Variants in PEX5L observed in about 807,000 individuals in gnomAD.
The protein encoded by PEX5L is peroxisomal biogenesis factor 5 like.
Under a neutral mutation model 84.0 loss-of-function variants are expected in PEX5L, and 30 were observed. The observed-to-expected ratio is 0.36, with a 90% confidence interval of 0.27 to 0.48. PEX5L has a LOEUF of 0.48. Among genes scored for constraint, PEX5L ranks in the 20% least tolerant of loss-of-function variants. PEX5L has a pLI of 0.99. For synonymous variants in PEX5L, 270 were observed against 283.1 expected (o/e 0.95, Z 0.46); for missense variants, 533 against 754.6 (o/e 0.71, Z 3.44).
At chr3:179,886,236 C>T (rs938125068) in intron 4 of PEX5L, among the ~76,000 whole-genome samples, 4 of 152,094 alleles carry the variant, frequency 2.6e-5, no homozygotes, top group African/African-American at 7.2e-5. Flanking sequence ...GGGTAGTTCT[C>T]GAGTTTTGAA....
rs1443558489 is a variant in PEX5L at position 179,807,534 on chromosome 3, A to C, written c.1676+140T>G. 22 of 735,708 alleles carry C rather than the reference A, an allele frequency of 3.0e-5. No homozygotes were observed. The Admixed American group carries it at 4.9e-4, about 16-fold the overall frequency. 45.6% of individuals were successfully genotyped at this position (735,708 alleles called of 1,614,324 possible). On this transcript the variant is annotated intron_variant, in intron 14 of 14. Coordinates refer to ENST00000467460, the MANE Select transcript of PEX5L (RefSeq NM_016559.3). ...CTGCTCAAACAGGCCTTGGGATCTG[A>C]AGGCTCCACATTCACCCTTAACGGC... is the stretch of plus-strand genomic sequence containing the variant.
At chr3:179,965,921 T>C (rs867941312) in intron 2 of PEX5L, among the ~76,000 whole-genome samples, 8 of 152,164 alleles carry the variant, frequency 5.3e-5, no homozygotes, top group South Asian at 4.1e-4. Flanking sequence ...TTTAACCTAA[T>C]GGAAGAAATT....
intron 8 of PEX5L, among the ~76,000 whole-genome samples, chr3:179,829,771 TC>T (rs1731968060): frequency 8.2e-6 from 1 of 121,510 alleles, no homozygotes; most frequent in East Asian, 2.8e-4. Context: ...ACTTGCTATA[TC>T]TTTTTTTTTT....
At position 179,798,564 on chromosome 3, in the gene PEX5L, A is replaced by G. The variant is rs1322554518; in HGVS notation, c.*3264T>C. 2.6e-5 allele frequency: 4 copies of G among 152,194 alleles called. No individual in the cohort carries two copies. The highest frequency in any genetic ancestry group is 9.7e-5 in the African/African-American group (4 of 41,444). 9.4% of individuals were successfully genotyped at this position (152,194 alleles called of 1,614,324 possible). On this transcript the variant is annotated 3_prime_UTR_variant, in exon 15 of 15. Coordinates refer to ENST00000467460, the MANE Select transcript of PEX5L (RefSeq NM_016559.3). ...TTTCATCCAATCTACAGGCGAAGTC[A>G]GTCCCTGGAAGTCACCTGTATGTAA...
At chr3:179,823,606 T>C (rs1729305550) in intron 8 of PEX5L, among the ~76,000 whole-genome samples, 2 of 152,216 alleles carry the variant, frequency 1.3e-5, no homozygotes, top group South Asian at 2.1e-4. Flanking sequence ...TTTAAAAAAA[T>C]GCTTACTTCT....
chr3:179,898,972 G>C (rs11918971), intron 2 of PEX5L, among the ~76,000 whole-genome samples: 2 of 151,746 alleles, frequency 1.3e-5, no homozygotes, highest in African/African-American at 4.8e-5. Flanking sequence ...TGACGTAAAG[G>C]ATAATTAATA....
chr3:179,810,250 G>A (rs1211635570), intron 11 of PEX5L, among the ~76,000 whole-genome samples: 2 of 151,682 alleles, frequency 1.3e-5, no homozygotes, highest in Non-Finnish European at 2.9e-5. Context: ...CAAGTGACCC[G>A]CCTGTCTCAG....
chr3:180,028,467 A>T (rs1791161423), intron 1 of PEX5L, among the ~76,000 whole-genome samples: 2 of 152,262 alleles, frequency 1.3e-5, no homozygotes, highest in Non-Finnish European at 2.9e-5. Flanking sequence ...GCAGAAAAAT[A>T]TCAATTTTAA....
chr3:179,972,691 T>C (rs975688484), intron 1 of PEX5L, among the ~76,000 whole-genome samples: 1 of 152,200 alleles, frequency 6.6e-6, no homozygotes, highest in African/African-American at 2.4e-5. Flanking sequence ...GGAAGAGATA[T>C]ATCCTTCAGT....
At chr3:180,012,771 T>C (rs2110474541) in intron 1 of PEX5L, among the ~76,000 whole-genome samples, 1 of 152,222 alleles carries the variant, frequency 6.6e-6, no homozygotes, top group Non-Finnish European at 1.5e-5. Flanking sequence ...AAATTACCTA[T>C]GATAATCCAT....
At chr3:179,804,991 C>T (rs917494798) in intron 14 of PEX5L, among the ~76,000 whole-genome samples, 4 of 151,356 alleles carry the variant, frequency 2.6e-5, no homozygotes, top group Non-Finnish European at 4.4e-5. Context: ...TGGTGGTGGG[C>T]GCCTGTAATC....
In PEX5L at chr3:179,887,740, G is replaced by A; in HGVS notation, c.243C>T (p.Ser81=). 6.2e-7 allele frequency: 1 copy of A among 1,614,000 alleles called. No homozygotes were observed. The change falls in exon 4 of 15, where the codon TCC becomes TCT. Residue 81 remains serine, a synonymous_variant. Coordinates refer to ENST00000467460, the MANE Select transcript of PEX5L (RefSeq NM_016559.3). ...TGGTTTCACAGAGAAAGTCATCGAT[G>A]GAGGGACTCAGGAGGGGTCTGCTTT... ...QQESRPLLSP[S]IDDFLCETKS... is the part of the protein sequence containing the mutation.
In PEX5L at chr3:179,898,238, G is replaced by C; in HGVS notation, c.102C>G (p.Gly34=). The change falls in exon 3 of 15, where the codon GGC becomes GGG. Residue 34 remains glycine, a synonymous_variant. Coordinates refer to ENST00000467460, the MANE Select transcript of PEX5L (RefSeq NM_016559.3). ...CAACAGCCTTATCTGCCGCCCTAGAGCCTTTTCCCTATAACAGTGAAATCA... is the reference window on the plus strand; with the variant it reads ...CAACAGCCTTATCTGCCGCCCTAGACCCTTTTCCCTATAACAGTGAAATCA... ...EIIVDQKQGK[G]SRAADKAVAM... 1 of 1,610,860 alleles carries C rather than the reference G, an allele frequency of 6.2e-7. No homozygotes were observed. The highest frequency in any genetic ancestry group is 8.5e-7 in the Non-Finnish European group (1 of 1,177,222).
chr3:179,898,923 A>G (rs908799083), intron 2 of PEX5L, among the ~76,000 whole-genome samples: 38 of 152,268 alleles, frequency 2.5e-4, no homozygotes, highest in African/African-American at 9.1e-4. Context: ...ATAAATACAG[A>G]CATAAAGGAT....
chr3:180,021,344 A>G (rs1790408929), intron 1 of PEX5L, among the ~76,000 whole-genome samples: 1 of 152,272 alleles, frequency 6.6e-6, no homozygotes, highest in South Asian at 2.1e-4. Flanking sequence ...TAAGTCATAT[A>G]TTATTGTGGA....
chr3:179,801,599 T>A lies in PEX5L; in HGVS notation c.*229A>T. 1 of 511,972 alleles carries A rather than the reference T, an allele frequency of 2.0e-6. No individual in the cohort carries two copies. The highest frequency in any genetic ancestry group is 3.5e-6 in the Non-Finnish European group (1 of 287,446). 31.7% of individuals were successfully genotyped at this position (511,972 alleles called of 1,614,324 possible). A position where few individuals can be genotyped will look rare whatever the true frequency, so the allele number is the denominator to read the frequency against. On this transcript the variant is annotated 3_prime_UTR_variant, in exon 15 of 15. Transcript: ENST00000467460. ...TTACTTTATCTTGGTTTGTCTTGAGTCTCTTAATTCTTCTTTTGAGCCTGA... is the reference window on the plus strand; with the variant it reads ...TTACTTTATCTTGGTTTGTCTTGAGACTCTTAATTCTTCTTTTGAGCCTGA...
chr3:179,940,393 C>T (rs1326862488), intron 2 of PEX5L, among the ~76,000 whole-genome samples: 4 of 151,532 alleles, frequency 2.6e-5, no homozygotes, highest in East Asian at 1.9e-4. Flanking sequence ...TGTTGGGGGG[C>T]GCTGGGGGAT....
At chr3:179,901,355 C>T (rs1407235336) in intron 2 of PEX5L, among the ~76,000 whole-genome samples, 3 of 152,100 alleles carry the variant, frequency 2.0e-5, no homozygotes, top group Non-Finnish European at 4.4e-5. Context: ...AATATAACCA[C>T]ACCAAAGGGT....
At position 179,955,887 on chromosome 3, in the gene PEX5L, C is replaced by T. The variant is rs116275461; in HGVS notation, c.93+15707G>A. Among the ~76,000 whole-genome samples, 1,305 of 152,184 alleles carry T rather than the reference C, an allele frequency of 8.6e-3. 18 individuals are homozygous for T. Among genetic ancestry groups the T allele is most frequent in the African/African-American group, 0.029 (1,221 of 41,512 alleles). On this transcript the variant is annotated intron_variant, in intron 2 of 14. Transcript: ENST00000467460. The stretch of plus-strand genomic sequence containing the variant: ...CCATACTTTACCCCCTCCCAAAGTA[C>T]TACCGATGTAAAAGTAATCATTATG...
Sources: gnomAD v4.1 joint callset for allele counts (sites outside exome capture counted in the v4.1 genomes callset) on GRCh38, gnomAD v4.1.1 for gene constraint, MANE v1.5 for transcripts, NCBI Gene and HGNC (gene_info 2026-07-23, HGNC 2026-07-21) for gene names.